The following ADGRB3 variants were observed in gnomAD, a reference collection of about 807,000 sequenced individuals.
The protein encoded by ADGRB3 is brain-specific angiogenesis inhibitor 3.
A neutral mutation model predicts 193.4 loss-of-function variants in ADGRB3; 37 were observed. The ratio of observed to expected loss-of-function variants is 0.19; its 90% CI spans 0.15 to 0.25. The LOEUF is 0.25. Ranked by LOEUF, ADGRB3 falls within the 10% of genes least tolerant of loss-of-function variation. ADGRB3 has a pLI of 1.00. For synonymous variants in ADGRB3, 690 were observed against 644.2 expected, an observed-to-expected ratio of 1.07 and a Z score of -1.08; for missense variants, 1,637 against 1,852.9, an observed-to-expected ratio of 0.88 and a Z score of 2.14.
At chr6:68,904,483 T>A (rs780336384) in intron 3 of ADGRB3, among the ~76,000 whole-genome samples, 4 of 152,216 alleles carry the variant, frequency 2.6e-5, no homozygotes, top group Non-Finnish European at 5.9e-5. Context: ...ACGTAACCAA[T>A]TTTAAAAGTT....
chr6:68,685,469 A>G (rs560736410), intron 3 of ADGRB3, among the ~76,000 whole-genome samples: 1 of 152,098 alleles, frequency 6.6e-6, no homozygotes, highest in African/African-American at 2.4e-5. Context: ...AGAAAGACAG[A>G]CAATGGGGAA....
At chr6:69,244,393 G>T (rs143256301) in intron 20 of ADGRB3, among the ~76,000 whole-genome samples, 4 of 151,944 alleles carry the variant, frequency 2.6e-5, no homozygotes, top group Non-Finnish European at 4.4e-5. Context: ...GTAAAACCTC[G>T]AATTGGAATA....
intron 20 of ADGRB3, among the ~76,000 whole-genome samples, chr6:69,297,027 G>T (rs879474477): frequency 2.0e-5 from 3 of 152,020 alleles, no homozygotes; most frequent in Non-Finnish European, 2.9e-5. Flanking sequence ...AGCATTAGTT[G>T]GCCAAGTTCT....
intron 3 of ADGRB3, among the ~76,000 whole-genome samples, chr6:68,879,897 A>C (rs1765688970): frequency 1.5e-5 from 2 of 137,610 alleles, no homozygotes; most frequent in Admixed American, 7.2e-5. Context: ...AAAGATTCTG[A>C]ACAAATGAAT....
chr6:68,834,768 G>A (rs1285445898), intron 3 of ADGRB3, among the ~76,000 whole-genome samples: 1 of 152,082 alleles, frequency 6.6e-6, no homozygotes, highest in Non-Finnish European at 1.5e-5. Context: ...AAACTGATGA[G>A]TCACTAAAGC....
intron 3 of ADGRB3, among the ~76,000 whole-genome samples, chr6:68,855,096 A>G (rs1764941590): frequency 6.6e-6 from 1 of 152,200 alleles, no homozygotes; most frequent in Non-Finnish European, 1.5e-5. Flanking sequence ...TTCCAGGCCT[A>G]AGTCTTTTGC....
intron 3 of ADGRB3, among the ~76,000 whole-genome samples, chr6:68,835,836 A>G (rs1232635452): frequency 1.3e-5 from 2 of 152,120 alleles, no homozygotes; most frequent in Non-Finnish European, 2.9e-5. Flanking sequence ...TTCCTTCTGA[A>G]TATCACTCAT....
intron 26 of ADGRB3, among the ~76,000 whole-genome samples, chr6:69,350,053 T>TA (rs1188913255): frequency 6.6e-6 from 1 of 152,176 alleles, no homozygotes; most frequent in Non-Finnish European, 1.5e-5. Context: ...CTGCTGTTGA[T>TA]ATAAAGTGAA....
intron 17 of ADGRB3, among the ~76,000 whole-genome samples, chr6:69,156,872 G>A (rs1319575105): frequency 6.6e-6 from 1 of 152,142 alleles, no homozygotes; most frequent in African/African-American, 2.4e-5. Flanking sequence ...CTAAACCTCA[G>A]GGATGTTGGG....
chr6:69,080,075 T>G (rs1346682874), intron 17 of ADGRB3, among the ~76,000 whole-genome samples: 1 of 152,054 alleles, frequency 6.6e-6, no homozygotes. Context: ...TTTGCTTCCA[T>G]TATCCTTATT....
At chr6:68,780,031 C>A (rs1766824032) in intron 3 of ADGRB3, among the ~76,000 whole-genome samples, 1 of 152,010 alleles carries the variant, frequency 6.6e-6, no homozygotes. Context: ...TTGTTCCCAT[C>A]TAAAGAAAGT....
intron 3 of ADGRB3, among the ~76,000 whole-genome samples, chr6:68,847,923 A>T (rs897996712): frequency 1.3e-5 from 2 of 152,100 alleles, no homozygotes; most frequent in Non-Finnish European, 2.9e-5. Context: ...GAAAAAAAAG[A>T]ATAGAAAAAA....
chr6:68,677,528 T>G (rs1391939198), intron 3 of ADGRB3, among the ~76,000 whole-genome samples: 1 of 146,550 alleles, frequency 6.8e-6, no homozygotes, highest in Non-Finnish European at 1.5e-5. Context: ...TTTCTTTTTT[T>G]TTTTTTTTTT....
At position 69,223,652 on chromosome 6, in the gene ADGRB3, CTTTTTTTTT is replaced by C. The variant is rs554027181; in HGVS notation, c.2481-9624_2481-9616del. ...AATTTTTTTGAATCTCTCTCTCTCT[CTTTTTTTTT>C]TTTTTTTTTTTTTGGCAGAGTCTCA... is the stretch of plus-strand genomic sequence containing the variant. On this transcript the variant is annotated intron_variant, in intron 17 of 31. Coordinates refer to ENST00000370598, the MANE Select transcript of ADGRB3 (RefSeq NM_001704.3). Among the ~76,000 whole-genome samples the C allele has an allele frequency of 4.5e-5, 5 of 110,396 alleles. No individual in the cohort carries two copies. The East Asian group carries it at 7.3e-4, about 16-fold the overall frequency. The allele number at this position is 110,396 out of a possible 152,430, so 72.4% of individuals were successfully genotyped here.
At chr6:69,155,952 T>G (rs1022447091) in intron 17 of ADGRB3, among the ~76,000 whole-genome samples, 2 of 152,140 alleles carry the variant, frequency 1.3e-5, no homozygotes, top group African/African-American at 4.8e-5. Context: ...TTTGTTCTTA[T>G]GTTTCTTATA....
intron 26 of ADGRB3, among the ~76,000 whole-genome samples, chr6:69,345,452 C>G (rs1582646170): frequency 6.6e-6 from 1 of 152,254 alleles, no homozygotes; most frequent in South Asian, 2.1e-4. Flanking sequence ...TCAAAATACA[C>G]AAATCAATAA....
chr6:69,148,219 TC>T (rs769576687), intron 17 of ADGRB3, among the ~76,000 whole-genome samples: 6 of 152,274 alleles, frequency 3.9e-5, no homozygotes, highest in Non-Finnish European at 5.9e-5. Flanking sequence ...TTTCCTTCCT[TC>T]CTGTCTTCCT....
chr6:68,962,247 A>C (rs1038401210), intron 8 of ADGRB3, among the ~76,000 whole-genome samples: 1 of 152,170 alleles, frequency 6.6e-6, no homozygotes, highest in Non-Finnish European at 1.5e-5. Flanking sequence ...ATAGTATCCA[A>C]TCTTCTCAAA....
intron 17 of ADGRB3, among the ~76,000 whole-genome samples, chr6:69,108,687 A>C (rs1313198737): frequency 1.3e-5 from 2 of 152,108 alleles, no homozygotes; most frequent in Non-Finnish European, 2.9e-5. Flanking sequence ...TTTTTTAGTA[A>C]GTAAAATCAG....
Sources: gnomAD v4.1 joint callset for allele counts (sites outside exome capture counted in the v4.1 genomes callset) on GRCh38, gnomAD v4.1.1 for gene constraint, MANE v1.5 for transcripts, NCBI Gene and HGNC (gene_info 2026-07-23, HGNC 2026-07-21) for gene names.